The following DPP9 variants were observed in gnomAD, a reference collection of about 807,000 sequenced individuals.
DPP9 encodes dipeptidyl peptidase IV-related protein-2.
DPP9 carries 50 observed loss-of-function variants against 110.7 expected under a neutral mutation model. The observed-to-expected ratio is 0.45, with a 90% confidence interval of 0.36 to 0.57. DPP9 has a LOEUF of 0.57. Among genes scored for constraint, DPP9 ranks in the 20% least tolerant of loss-of-function variants. The pLI is 0.00. For synonymous variants in DPP9, 561 were observed against 514.4 expected (o/e 1.09, Z -1.23); for missense variants, 1,022 against 1,217.9 (o/e 0.84, Z 2.39).
chr19:4,699,950 C>T (rs2092119234), intron 10 of DPP9, among the ~76,000 whole-genome samples: 1 of 152,232 alleles, frequency 6.6e-6, no homozygotes. Context: ...GGGCCCCTGC[C>T]CGGTGCTTGT....
Position 4,719,920 on chromosome 19 carries a change from G to C in DPP9, c.-14C>G. On this transcript the variant is annotated 5_prime_UTR_variant, in exon 3 of 22. Coordinates refer to ENST00000262960, the MANE Select transcript of DPP9 (RefSeq NM_139159.5). ...AACCTTCCGCATTAACCGCTCAGCT[G>C]ACCTCAGGAGGGCAGGGGTGCCTGC... 6.4e-7 allele frequency: 1 copy of C among 1,551,694 alleles called. No individual in the cohort carries two copies. Among genetic ancestry groups the C allele is most frequent in the Non-Finnish European group, 8.7e-7 (1 of 1,146,996 alleles).
chr19:4,715,052 A>G (rs1401293410), intron 3 of DPP9, among the ~76,000 whole-genome samples: 1 of 106,758 alleles, frequency 9.4e-6, no homozygotes, highest in Non-Finnish European at 1.7e-5. Context: ...TTTTGGAGAC[A>G]GAGTCTCCAA....
At chr19:4,711,219 C>G (rs2092815059) in intron 4 of DPP9, among the ~76,000 whole-genome samples, 1 of 152,112 alleles carries the variant, frequency 6.6e-6, no homozygotes, top group Non-Finnish European at 1.5e-5. Flanking sequence ...CTCTTGGGTT[C>G]CATGAGATGC....
rs140623335 is a variant in DPP9, at chr19:4,720,599, G to A, written c.-35-658C>T. Among the ~76,000 whole-genome samples the A allele has an allele frequency of 1.7e-4, 26 of 152,308 alleles. 1 individual carries two copies. The East Asian group carries it at 4.8e-3, about 28-fold the overall frequency. The stretch of plus-strand genomic sequence containing the variant: ...AGTTGTCCCCTTCCCCAGGGAGAGT[G>A]GTTCTCAACTGGGGGCGATTTGGCC... On this transcript the variant is annotated intron_variant, in intron 2 of 21. Coordinates refer to ENST00000262960, the MANE Select transcript of DPP9 (RefSeq NM_139159.5).
chr19:4,709,018 T>C (rs2092712301), intron 4 of DPP9, among the ~76,000 whole-genome samples: 1 of 152,152 alleles, frequency 6.6e-6, no homozygotes, highest in African/African-American at 2.4e-5. Context: ...CCTGGGTTCA[T>C]GCGACTCTCC....
intron 4 of DPP9, among the ~76,000 whole-genome samples, chr19:4,706,797 CAG>C (rs1376521638): frequency 2.6e-5 from 4 of 152,212 alleles, no homozygotes; most frequent in Non-Finnish European, 4.4e-5. Context: ...GCCTGGGTAA[CAG>C]AGCAAGATTT....
Position 4,695,583 on chromosome 19 carries a change from A to G in DPP9, c.1176-28T>C, listed in dbSNP as rs201807736. The G allele has an allele frequency of 3.3e-5, 48 of 1,445,708 alleles. No individual in the cohort carries two copies. The African/African-American group carries it at 6.3e-4, about 19-fold the overall frequency. The allele number at this position is 1,445,708 out of a possible 1,614,324, so 89.6% of individuals were successfully genotyped here. A position where few individuals can be genotyped will look rare whatever the true frequency, so the allele number is the denominator to read the frequency against. ...AAGGGGGAAGATGCGGGGGAAGATGAGAGGGAAGCTGGGAGCCTCAGTGGC... is the reference window on the plus strand; with the variant it reads ...AAGGGGGAAGATGCGGGGGAAGATGGGAGGGAAGCTGGGAGCCTCAGTGGC... On this transcript the variant is annotated intron_variant, in intron 11 of 21. Transcript: ENST00000262960. This position sits in a 1 kb window ranked among gnomAD's most constrained non-coding sequence, Gnocchi z 4.7.
At chr19:4,703,679 A>AG (rs1279942284) in intron 7 of DPP9, among the ~76,000 whole-genome samples, 2 of 151,154 alleles carry the variant, frequency 1.3e-5, no homozygotes, top group African/African-American at 4.9e-5. Context: ...TCAAAAAAAA[A>AG]AAAAAGAAAG....
chr19:4,692,117 G>C (rs745996984), intron 13 of DPP9, among the ~76,000 whole-genome samples: 1 of 152,088 alleles, frequency 6.6e-6, no homozygotes, highest in Non-Finnish European at 1.5e-5. Flanking sequence ...CACATCCCCG[G>C]CTGGAACAAG....
intron 21 of DPP9, among the ~76,000 whole-genome samples, chr19:4,678,274 G>A (rs1375365569): frequency 6.6e-6 from 1 of 152,050 alleles, no homozygotes; most frequent in African/African-American, 2.4e-5. Flanking sequence ...CACCACACTC[G>A]GCTAATTTTT....
intron 3 of DPP9, among the ~76,000 whole-genome samples, chr19:4,717,262 C>G (rs2093124051): frequency 6.6e-6 from 1 of 152,206 alleles, no homozygotes; most frequent in African/African-American, 2.4e-5. Flanking sequence ...AGGTCACACA[C>G]AGGATGTCCG....
chr19:4,706,880 C>T (rs1337520871), intron 4 of DPP9, among the ~76,000 whole-genome samples: 1 of 152,150 alleles, frequency 6.6e-6, no homozygotes, highest in Non-Finnish European at 1.5e-5. Flanking sequence ...TAATTACATT[C>T]GGGCCTGGAC....
At position 4,702,125 on chromosome 19, in the gene DPP9, A is replaced by T; in HGVS notation, c.914T>A (p.Leu305Gln). 1 of 1,613,770 alleles carries T rather than the reference A, an allele frequency of 6.2e-7. No individual in the cohort carries two copies. Among genetic ancestry groups the T allele is most frequent in the Non-Finnish European group, 8.5e-7 (1 of 1,179,740 alleles). Residue 305 changes from leucine (L) to glutamine (Q), a missense_variant, in exon 9 of 22, where the codon CTG (leucine) becomes CAG (glutamine). Physicochemically the swap from Leu to Gln is moderately radical, Grantham distance 113 (BLOSUM62 -2). Transcript: ENST00000262960. The part of the protein sequence containing the change: ...GSEGLKTLRI[L>Q]YEEVDESEVE... ...CTCGGACTCATCGACTTCCTCATAC[A>T]GGATTCGCAGCGTCTTGAGGCCCTC...
chr19:4,676,976 C>T lies in DPP9; in HGVS notation c.2587-320G>A, dbSNP rs1018707425. Among the ~76,000 whole-genome samples, 2 of 152,182 alleles carry T rather than the reference C, an allele frequency of 1.3e-5. No homozygotes were observed. The highest frequency in any genetic ancestry group is 2.1e-4 in the South Asian group (1 of 4,826). The stretch of plus-strand genomic sequence containing the variant: ...TGCCTCTTTCCCCCAAACCGGCTGA[C>T]GGGCGACCAACTCATCTCTGTGGAG... On this transcript the variant is annotated intron_variant, in intron 21 of 21. Transcript: ENST00000262960. The surrounding 1 kb of genome is among the most constrained non-coding windows in gnomAD (Gnocchi z 4.0).
Position 4,690,962 on chromosome 19 carries a change from A to T in DPP9, c.1517-5T>A. On this transcript the variant is annotated splice_polypyrimidine_tract_variant and splice_region_variant and intron_variant, in intron 13 of 21. Coordinates refer to ENST00000262960, the MANE Select transcript of DPP9 (RefSeq NM_139159.5). ...TAATGGGGCACTTAAATTCATCTGG[A>T]AAGAAAGAAAGAAGGGAGGTGAAGG... 6 of 1,607,032 alleles carry T rather than the reference A, an allele frequency of 3.7e-6. No individual in the cohort carries two copies. The highest frequency in any genetic ancestry group is 5.1e-6 in the Non-Finnish European group (6 of 1,176,020).
rs778792628 is a variant in DPP9, at chr19:4,683,794, G to A, written c.2179-165C>T. The stretch of plus-strand genomic sequence containing the variant: ...CCTGCTAACCCTGCCTGCTATCTGG[G>A]GATGGCTGGACAGATCCAGCAGCCA... On this transcript the variant is annotated intron_variant, in intron 18 of 21. Transcript: ENST00000262960. 16 of 1,544,610 alleles carry A rather than the reference G, an allele frequency of 1.0e-5. 1 individual carries two copies. The South Asian group carries it at 1.9e-4, about 18-fold the overall frequency.
chr19:4,722,430 G>A, intron 2 of DPP9, 69 bp downstream of exon 2: 2 of 694,638 alleles, frequency 2.9e-6, no homozygotes, highest in Non-Finnish European at 5.2e-6. Context: ...CTATATTCTA[G>A]AGCAGGCAAA....
intron 14 of DPP9, 98 bp downstream of exon 14, chr19:4,690,780 A>G: frequency 2.2e-6 from 2 of 914,772 alleles, no homozygotes. Flanking sequence ...TATGTGTGTG[A>G]GTGTATGTGT....
chr19:4,678,772 G>A (rs2089290505), intron 21 of DPP9, among the ~76,000 whole-genome samples: 1 of 152,040 alleles, frequency 6.6e-6, no homozygotes, highest in Non-Finnish European at 1.5e-5. Context: ...GCATGCCGAG[G>A]CGCCCAGGAA....
Sources: gnomAD v4.1 joint callset for allele counts (sites outside exome capture counted in the v4.1 genomes callset) on GRCh38, gnomAD v4.1.1 for gene constraint, Gnocchi (gnomAD v3.1) non-coding constraint, MANE v1.5 for transcripts, NCBI Gene and HGNC (gene_info 2026-07-23, HGNC 2026-07-21) for gene names.